Variants in UACA observed in about 807,000 individuals in gnomAD.
UACA encodes uveal autoantigen with coiled-coil domains and ankyrin repeats, also known as nuclear membrane binding protein.
Under a neutral mutation model 160.5 loss-of-function variants are expected in UACA, and 112 were observed. The ratio of observed to expected loss-of-function variants is 0.70; its 90% CI spans 0.60 to 0.82. The LOEUF (loss-of-function observed/expected upper bound fraction) is 0.82, where lower values mean the gene tolerates loss of function less well. Ranked by LOEUF, UACA falls within the 40% of genes least tolerant of loss-of-function variation. The probability of loss-of-function intolerance (pLI) is 0.00; values close to 1 mark genes in which losing one functional copy is unlikely to be tolerated. For synonymous variants in UACA, 557 were observed against 568.4 expected (o/e 0.98, Z 0.29); for missense variants, 1,574 against 1,614.6 (o/e 0.97, Z 0.43).
chr15:70,684,854 C>T (rs988374177), intron 7 of UACA, among the ~76,000 whole-genome samples: 4 of 151,992 alleles, frequency 2.6e-5, no homozygotes, highest in Non-Finnish European at 5.9e-5. Context: ...TTTGCTTTGT[C>T]TTCTATATCC....
At chr15:70,675,331 C>T (rs1300575670) in intron 13 of UACA, among the ~76,000 whole-genome samples, 1 of 152,202 alleles carries the variant, frequency 6.6e-6, no homozygotes, top group African/African-American at 2.4e-5. Flanking sequence ...GCCACTACAG[C>T]TAGATCATTC....
chr15:70,681,802 G>C (rs796796703), intron 9 of UACA: 7 of 152,294 alleles, frequency 4.6e-5, no homozygotes, highest in African/African-American at 1.4e-4. Flanking sequence ...TTCATGATAA[G>C]TGCAGCAAAC....
Position 70,699,661 on chromosome 15 carries a change from C to T in UACA, c.79-1G>A, listed in dbSNP as rs1424176945. On this transcript the variant is annotated splice_acceptor_variant, in intron 1 of 18. Transcript: ENST00000322954. LOFTEE classifies it high-confidence loss of function. ...CATATTTATTCCAATCTGCTGCATG[C>T]TACAAAAAGGAAAAAAAAAAGTAAA... 4 of 1,603,314 alleles carry T rather than the reference C, an allele frequency of 2.5e-6. No individual in the cohort carries two copies. Among genetic ancestry groups the T allele is most frequent in the South Asian group, 1.1e-5 (1 of 89,522 alleles).
chr15:70,683,481 C>T (rs768111986), intron 8 of UACA, among the ~76,000 whole-genome samples: 2 of 152,002 alleles, frequency 1.3e-5, no homozygotes, highest in African/African-American at 4.8e-5. Flanking sequence ...TTCTAGGAAC[C>T]GACCCTAAAG....
intron 1 of UACA, among the ~76,000 whole-genome samples, chr15:70,761,159 G>A (rs1377658619): frequency 6.6e-6 from 1 of 152,090 alleles, no homozygotes; most frequent in East Asian, 1.9e-4. Context: ...AGCAGCTACA[G>A]TGTGCTAGCA....
Position 70,763,424 on chromosome 15 carries a change from GC to G in UACA, c.-18del. 5 of 1,297,252 alleles carry G rather than the reference GC, an allele frequency of 3.9e-6. No homozygotes were observed. The highest frequency in any genetic ancestry group is 4.8e-5 in the South Asian group (2 of 41,442). The allele number at this position is 1,297,252 out of a possible 1,614,324, so 80.4% of individuals were successfully genotyped here. ...GCTCTTCATGGCTAACTCTTGCCTG[GC>G]CCCCGCGCGAACCTTAAAGGCTGCG... On this transcript the variant is annotated 5_prime_UTR_variant, in exon 1 of 19. Coordinates refer to ENST00000322954, the MANE Select transcript of UACA (RefSeq NM_018003.4).
the UACA span, among the ~76,000 whole-genome samples, chr15:70,773,651 T>A: frequency 6.6e-6 from 1 of 152,134 alleles, no homozygotes; most frequent in Non-Finnish European, 1.5e-5. Flanking sequence ...GTATATTCAG[T>A]GGAAGGAAAA....
In UACA at chr15:70,664,875, T is replaced by C. The variant is rs114950729; in HGVS notation, c.3961-61A>G. ...ACTTATCATGTACAATGAACATCTT[T>C]GTACAGAAATCATTCCTTTTTGGAG... On this transcript the variant is annotated intron_variant, in intron 16 of 18. Coordinates refer to ENST00000322954, the MANE Select transcript of UACA (RefSeq NM_018003.4). The C allele has an allele frequency of 9.9e-4, 1,432 of 1,440,146 alleles. 7 individuals are homozygous for C. The African/African-American group carries it at 0.018, about 18-fold the overall frequency. The allele number at this position is 1,440,146 out of a possible 1,614,324, so 89.2% of individuals were successfully genotyped here. A position where few individuals can be genotyped will look rare whatever the true frequency, so the allele number is the denominator to read the frequency against.
intron 1 of UACA, among the ~76,000 whole-genome samples, chr15:70,705,554 T>A (rs1453885662): frequency 2.0e-5 from 3 of 151,276 alleles, no homozygotes; most frequent in Admixed American, 6.6e-5. Flanking sequence ...TAAAATAAAA[T>A]AAAAAAATAA....
intron 1 of UACA, chr15:70,702,272 G>A (rs189361047): frequency 9.6e-7 from 1 of 1,042,496 alleles, no homozygotes. Context: ...GCATCCTGCT[G>A]CCTCAACACT....
At chr15:70,679,485 G>A (rs913116665) in intron 10 of UACA, 123 bp downstream of exon 10, 6 of 498,326 alleles carry the variant, frequency 1.2e-5, no homozygotes, top group African/African-American at 4.1e-5. Flanking sequence ...CAATTTTAAC[G>A]AGCTTCCCTT....
the UACA span, among the ~76,000 whole-genome samples, chr15:70,776,425 C>CTTTT: frequency 4.0e-5 from 5 of 125,326 alleles, no homozygotes; most frequent in African/African-American, 6.2e-5. Flanking sequence ...CCTCAAATGT[C>CTTTT]TTTTTTTTTT....
At chr15:70,743,111 T>C (rs372581701) in intron 1 of UACA, among the ~76,000 whole-genome samples, 27 of 152,306 alleles carry the variant, frequency 1.8e-4, no homozygotes, top group African/African-American at 6.0e-4. Context: ...ACCACAAGCC[T>C]CTCTTAGCTC....
chr15:70,703,243 CCT>C, intron 1 of UACA: 1 of 1,287,998 alleles, frequency 7.8e-7, no homozygotes, highest in African/African-American at 1.5e-5. Flanking sequence ...ATTTACACTT[CCT>C]CTAAAAAGAC....
intron 17 of UACA, 39 bp from the exon 18 acceptor site, chr15:70,660,255 G>A (rs185449355): frequency 1.1e-4 from 165 of 1,566,592 alleles, no homozygotes; most frequent in Non-Finnish European, 1.4e-4. Context: ...GACTATCAGC[G>A]TTCACATTTC....
chr15:70,660,075 C>A (rs1234886562), intron 18 of UACA, 76 bp downstream of exon 18: 7 of 1,216,032 alleles, frequency 5.8e-6, no homozygotes, highest in Non-Finnish European at 8.1e-6. Flanking sequence ...CAATTACTTT[C>A]ACATAAATTT....
At chr15:70,718,353 TG>T (rs1898890222) in intron 1 of UACA, among the ~76,000 whole-genome samples, 1 of 148,330 alleles carries the variant, frequency 6.7e-6, no homozygotes, top group Non-Finnish European at 1.5e-5. Context: ...TGTGTGTGTG[TG>T]TGTGTGTGTG....
At chr15:70,754,057 C>T (rs756065245) in intron 1 of UACA, 1 of 452,816 alleles carries the variant, frequency 2.2e-6, no homozygotes, top group Non-Finnish European at 4.4e-6. Context: ...CCGCCCACCT[C>T]GGCCTTCCAA....
rs1566965605 is a variant in UACA at position 70,668,832 on chromosome 15, C to G, written c.1852G>C (p.Glu618Gln). Residue 618 changes from glutamate (E) to glutamine (Q), a missense_variant, in exon 16 of 19, where the codon GAA (glutamate) becomes CAA (glutamine). Glu to Gln is a conservative substitution (Grantham distance 29). Coordinates refer to ENST00000322954, the MANE Select transcript of UACA (RefSeq NM_018003.4). ...GAAAGGGCCAACTTCGCTGACAATT[C>G]TTTTGCCTGGCCTTCCATCTCTGTG... is the stretch of plus-strand genomic sequence containing the variant. ...KVTEMEGQAK[E>Q]LSAKLALSIP... 1.9e-6 allele frequency: 3 copies of G among 1,613,874 alleles called. No individual in the cohort carries two copies. Among genetic ancestry groups the G allele is most frequent in the Non-Finnish European group, 1.7e-6 (2 of 1,179,996 alleles).
Sources: allele counts gnomAD v4.1 joint callset (sites outside exome capture counted in the v4.1 genomes callset), GRCh38; gene constraint gnomAD v4.1.1; transcripts MANE v1.5; gene names NCBI Gene and HGNC (gene_info 2026-07-23, HGNC 2026-07-21).